AGBL4: variants seen among roughly 807,000 people sequenced by gnomAD.
AGBL4 encodes the protein cytosolic carboxypeptidase 6.
In AGBL4, 58 loss-of-function variants were observed where a neutral mutation model predicts 66.4. That is an observed-to-expected ratio of 0.87 (90% confidence interval 0.71 to 1.09). AGBL4 has a LOEUF of 1.09. Among genes scored for constraint, AGBL4 ranks in the 50% least tolerant of loss-of-function variants. The probability of loss-of-function intolerance (pLI) is 0.00; values close to 1 mark genes in which losing one functional copy is unlikely to be tolerated. For synonymous variants in AGBL4, 234 were observed against 222.9 expected (o/e 1.05, Z -0.44); for missense variants, 579 against 631.0 (o/e 0.92, Z 0.88).
intron 9 of AGBL4, among the ~76,000 whole-genome samples, chr1:48,606,815 G>A (rs952665225): frequency 1.3e-5 from 2 of 152,128 alleles, no homozygotes; most frequent in East Asian, 1.9e-4. Flanking sequence ...CCTGCAGCCA[G>A]AGTGATCTAT....
At chr1:49,989,787 G>T (rs1023739188) in intron 1 of AGBL4, among the ~76,000 whole-genome samples, 1 of 152,122 alleles carries the variant, frequency 6.6e-6, no homozygotes, top group African/African-American at 2.4e-5. Context: ...ATGCTGAAAT[G>T]CTCCAGAAAT....
rs184595085 is a variant in AGBL4 at position 49,732,958 on chromosome 1, C to T, written c.158-35521G>A. Among the ~76,000 whole-genome samples the T allele has an allele frequency of 1.2e-3, 175 of 152,114 alleles. No individual in the cohort carries two copies. The Middle Eastern group carries it at 0.02, about 18-fold the overall frequency. The stretch of plus-strand genomic sequence containing the variant: ...AAATAAAGAGACATAAACCTAGACA[C>T]ATCATGAGCCCAACTGCTGACACCA... On this transcript the variant is annotated intron_variant, in intron 2 of 13. Coordinates refer to ENST00000371839, the MANE Select transcript of AGBL4 (RefSeq NM_032785.4).
intron 2 of AGBL4, among the ~76,000 whole-genome samples, chr1:49,763,668 A>G (rs1362955317): frequency 6.6e-6 from 1 of 152,198 alleles, no homozygotes; most frequent in East Asian, 1.9e-4. Context: ...CACTTCTGCA[A>G]TGAATCTTTG....
chr1:49,331,111 A>ACAGAGCTGTGTGGAGTCTGGG (rs2148490952), intron 3 of AGBL4, among the ~76,000 whole-genome samples: 1 of 152,246 alleles, frequency 6.6e-6, no homozygotes, highest in South Asian at 2.1e-4. Context: ...GGTCTGACAC[A>ACAGAGCTGTGTGGAGTCTGGG]CAGAGCTGTG....
chr1:49,952,860 T>C (rs1656281395), intron 1 of AGBL4, among the ~76,000 whole-genome samples: 1 of 151,930 alleles, frequency 6.6e-6, no homozygotes. Flanking sequence ...CAAAGAAAGC[T>C]ATAGCAACCA....
At chr1:49,321,172 C>T (rs1163025406) in intron 3 of AGBL4, among the ~76,000 whole-genome samples, 1 of 152,162 alleles carries the variant, frequency 6.6e-6, no homozygotes, top group Admixed American at 6.6e-5. Context: ...ACCTACAGAA[C>T]CTACTTGGTC....
At chr1:49,478,587 C>T (rs1646891767) in intron 3 of AGBL4, among the ~76,000 whole-genome samples, 1 of 151,684 alleles carries the variant, frequency 6.6e-6, no homozygotes, top group Non-Finnish European at 1.5e-5. Context: ...ATAAAAAATG[C>T]TAAAGGGATT....
At chr1:49,530,278 A>AAAAAAAAAAAAAAAAAAAAAC (rs1186915086) in intron 3 of AGBL4, among the ~76,000 whole-genome samples, 40 of 145,180 alleles carry the variant, frequency 2.8e-4, no homozygotes, top group Non-Finnish European at 4.9e-4. Context: ...AAAAACAAAA[A>AAAAAAAAAAAAAAAAAAAAAC]AAAACTCTAT....
intron 3 of AGBL4, among the ~76,000 whole-genome samples, chr1:49,458,404 A>G (rs1477479368): frequency 2.0e-5 from 3 of 151,812 alleles, no homozygotes; most frequent in Admixed American, 2.0e-4. Context: ...CTAATTTGGT[A>G]TCCTGAAACT....
intron 4 of AGBL4, among the ~76,000 whole-genome samples, chr1:49,183,882 G>A (rs1174962375): frequency 1.3e-5 from 2 of 152,136 alleles, no homozygotes; most frequent in African/African-American, 4.8e-5. Flanking sequence ...ACTCCATGTG[G>A]TAGACCTTTG....
At chr1:49,375,767 G>C (rs2148562654) in intron 3 of AGBL4, among the ~76,000 whole-genome samples, 1 of 152,184 alleles carries the variant, frequency 6.6e-6, no homozygotes, top group Admixed American at 6.6e-5. Context: ...GTTCTATCCT[G>C]CTTCACAAAA....
At chr1:49,562,564 G>T (rs1644077365) in intron 3 of AGBL4, among the ~76,000 whole-genome samples, 1 of 152,064 alleles carries the variant, frequency 6.6e-6, no homozygotes. Context: ...ATTAAATAGG[G>T]AATCCTTTCC....
intron 3 of AGBL4, among the ~76,000 whole-genome samples, chr1:49,389,187 G>A (rs1644797993): frequency 6.6e-6 from 1 of 152,024 alleles, no homozygotes; most frequent in Non-Finnish European, 1.5e-5. Context: ...TAAGAATGGG[G>A]AATGAGTTGG....
At chr1:48,730,270 A>T (rs1201794758) in intron 6 of AGBL4, among the ~76,000 whole-genome samples, 1 of 152,210 alleles carries the variant, frequency 6.6e-6, no homozygotes, top group East Asian at 1.9e-4. Context: ...ACTTTGTAGG[A>T]ACCTGAACCA....
intron 4 of AGBL4, among the ~76,000 whole-genome samples, chr1:49,133,344 ATACC>A (rs2148073859): frequency 6.6e-6 from 1 of 152,306 alleles, no homozygotes; most frequent in Non-Finnish European, 1.5e-5. Context: ...TGGCACATGT[ATACC>A]TATGTAACAA....
chr1:48,729,085 T>A (rs1209890793), intron 6 of AGBL4, among the ~76,000 whole-genome samples: 1 of 152,090 alleles, frequency 6.6e-6, no homozygotes, highest in South Asian at 2.1e-4. Flanking sequence ...ACTTCATAAA[T>A]AAGGATAACA....
At position 49,640,723 on chromosome 1, in the gene AGBL4, T is replaced by G. The variant is rs77863044; in HGVS notation, c.282+56590A>C. Among the ~76,000 whole-genome samples, 1,219 of 152,234 alleles carry G rather than the reference T, an allele frequency of 8.0e-3. 9 individuals are homozygous for G. Among genetic ancestry groups the G allele is most frequent in the Middle Eastern group, 0.031 (9 of 294 alleles). On this transcript the variant is annotated intron_variant, in intron 3 of 13. Transcript: ENST00000371839. Reference sequence around the variant, plus strand: ...CATAGAAGGCCTTGGAGAGATGCATTTTTATACTGGGAAAGGAAATGAGAA... The same window carrying G: ...CATAGAAGGCCTTGGAGAGATGCATGTTTATACTGGGAAAGGAAATGAGAA...
chr1:49,702,353 T>C (rs1366087909), intron 2 of AGBL4, among the ~76,000 whole-genome samples: 1 of 151,988 alleles, frequency 6.6e-6, no homozygotes, highest in Non-Finnish European at 1.5e-5. Context: ...TAGCTGGGCA[T>C]AGTGGTGCAT....
chr1:49,472,550 T>C (rs887839835), intron 3 of AGBL4, among the ~76,000 whole-genome samples: 2 of 152,006 alleles, frequency 1.3e-5, no homozygotes, highest in African/African-American at 4.8e-5. Context: ...AAGTTAAAAA[T>C]AGAAATACCA....
Sources: allele counts gnomAD v4.1 joint callset (sites outside exome capture counted in the v4.1 genomes callset), GRCh38; gene constraint gnomAD v4.1.1; transcripts MANE v1.5; gene names NCBI Gene and HGNC (gene_info 2026-07-23, HGNC 2026-07-21).